The following MTUS2 variants were observed in gnomAD, a reference collection of about 807,000 sequenced individuals.
MTUS2 encodes the protein microtubule-associated tumor suppressor candidate 2.
In MTUS2, 40 loss-of-function variants were observed where a neutral mutation model predicts 114.1. The observed-to-expected ratio is 0.35, with a 90% confidence interval of 0.27 to 0.46. The LOEUF (loss-of-function observed/expected upper bound fraction) is 0.46. Among genes scored for constraint, MTUS2 ranks in the 20% least tolerant of loss-of-function variants. The probability of loss-of-function intolerance (pLI) is 1.00; values close to 1 mark genes in which losing one functional copy is unlikely to be tolerated. For missense variants in MTUS2, 1,679 were observed against 1,705.4 expected, an observed-to-expected ratio of 0.98 and a Z score of 0.27; for synonymous variants, 688 against 672.0, an observed-to-expected ratio of 1.02 and a Z score of -0.37.
At chr13:29,335,089 A>G (rs1900985339) in intron 7 of MTUS2, among the ~76,000 whole-genome samples, 2 of 152,208 alleles carry the variant, frequency 1.3e-5, no homozygotes, top group African/African-American at 4.8e-5. Flanking sequence ...GGCCAGGCGG[A>G]ACAGAGCCAT....
intron 15 of MTUS2, among the ~76,000 whole-genome samples, chr13:29,501,960 ACT>A (rs1415155191): frequency 1.3e-5 from 2 of 152,160 alleles, no homozygotes; most frequent in African/African-American, 4.8e-5. Flanking sequence ...CTGTTTGCAC[ACT>A]CACACGTGCA....
intron 1 of MTUS2, among the ~76,000 whole-genome samples, chr13:28,824,164 G>T (rs757714175): frequency 6.6e-6 from 1 of 152,230 alleles, no homozygotes; most frequent in South Asian, 2.1e-4. Context: ...CTGCCCCAAA[G>T]AATTTATCTT....
At chr13:28,820,671 G>C (rs1418384376) in intron 1 of MTUS2, 60 bp downstream of exon 1, 1 of 152,218 alleles carries the variant, frequency 6.6e-6, no homozygotes, top group Non-Finnish European at 1.5e-5. Flanking sequence ...GCCGCCCTCT[G>C]GACCCGCCGG....
chr13:29,013,991 A>G (rs1182624006), intron 2 of MTUS2, among the ~76,000 whole-genome samples: 10 of 152,164 alleles, frequency 6.6e-5, no homozygotes, highest in South Asian at 4.1e-4. Context: ...GGAGATAGCA[A>G]TTTCTCCAAG....
At chr13:29,148,610 C>A (rs1211177537) in intron 5 of MTUS2, among the ~76,000 whole-genome samples, 1 of 114,458 alleles carries the variant, frequency 8.7e-6, no homozygotes, top group African/African-American at 2.6e-5. Context: ...TCCCAAGTAG[C>A]TGGGACTACA....
chr13:29,190,271 G>A (rs1335866209), intron 5 of MTUS2, among the ~76,000 whole-genome samples: 1 of 152,166 alleles, frequency 6.6e-6, no homozygotes, highest in South Asian at 2.1e-4. Flanking sequence ...CTAACACTTG[G>A]AATTCCATGG....
At chr13:29,146,828 G>A (rs1892453852) in intron 5 of MTUS2, among the ~76,000 whole-genome samples, 1 of 152,174 alleles carries the variant, frequency 6.6e-6, no homozygotes, top group Non-Finnish European at 1.5e-5. Flanking sequence ...TATGTTGCAG[G>A]ATTGTTTTAA....
intron 8 of MTUS2, among the ~76,000 whole-genome samples, chr13:29,404,176 C>CAA (rs33920912): frequency 0.42 from 53,581 of 127,388 alleles, 11,532 homozygotes; most frequent in Non-Finnish European, 0.45. Flanking sequence ...TCCATCTCTA[C>CAA]AAAAAAAAAA....
At chr13:29,184,683 G>A (rs964842837) in intron 5 of MTUS2, among the ~76,000 whole-genome samples, 2 of 152,174 alleles carry the variant, frequency 1.3e-5, no homozygotes, top group African/African-American at 4.8e-5. Flanking sequence ...GGGCACAGAC[G>A]TTAGTGGCAC....
intron 2 of MTUS2, among the ~76,000 whole-genome samples, chr13:28,847,678 T>C (rs981645402): frequency 6.6e-6 from 1 of 152,224 alleles, no homozygotes; most frequent in Non-Finnish European, 1.5e-5. Flanking sequence ...AGCATCTTCC[T>C]AGACTTTGTT....
At chr13:29,493,693 G>A (rs1299824332) in intron 12 of MTUS2, among the ~76,000 whole-genome samples, 1 of 152,154 alleles carries the variant, frequency 6.6e-6, no homozygotes, top group Non-Finnish European at 1.5e-5. Flanking sequence ...GTTTGCCGTT[G>A]GCCAATGAAC....
At chr13:29,064,489 C>T (rs1027130812) in intron 4 of MTUS2, among the ~76,000 whole-genome samples, 5 of 146,808 alleles carry the variant, frequency 3.4e-5, no homozygotes, top group African/African-American at 1.0e-4. Flanking sequence ...CAGTTCTGAG[C>T]GGCACTGTGG....
intron 6 of MTUS2, among the ~76,000 whole-genome samples, chr13:29,286,310 T>C (rs1898477795): frequency 6.6e-6 from 1 of 152,260 alleles, no homozygotes; most frequent in African/African-American, 2.4e-5. Context: ...TATGAAATGC[T>C]ATCTGGTATT....
chr13:29,228,042 CTT>C (rs5802512), intron 5 of MTUS2, among the ~76,000 whole-genome samples: 129,871 of 152,096 alleles, frequency 0.85, 55,596 homozygotes, highest in African/African-American at 0.91. Context: ...TATATGTATG[CTT>C]TTTCACCCAG....
At chr13:29,214,310 C>T (rs556988639) in intron 5 of MTUS2, among the ~76,000 whole-genome samples, 7 of 152,156 alleles carry the variant, frequency 4.6e-5, no homozygotes, top group African/African-American at 1.7e-4. Context: ...ACTCTTTTTC[C>T]AATTTGCCCC....
chr13:28,900,108 G>T (rs9508184), intron 2 of MTUS2, among the ~76,000 whole-genome samples: 1 of 152,062 alleles, frequency 6.6e-6, no homozygotes, highest in East Asian at 1.9e-4. Flanking sequence ...GGTTGGCCTC[G>T]AACTCCTAAC....
chr13:29,324,166 C>T (rs1333391589), intron 6 of MTUS2, among the ~76,000 whole-genome samples: 1 of 152,202 alleles, frequency 6.6e-6, no homozygotes, highest in East Asian at 1.9e-4. Flanking sequence ...GACCATGTCC[C>T]CCGTGGCTTG....
At chr13:29,163,302 G>C (rs1398825216) in intron 5 of MTUS2, among the ~76,000 whole-genome samples, 2 of 152,174 alleles carry the variant, frequency 1.3e-5, no homozygotes, top group Admixed American at 6.5e-5. Context: ...GGTCCTTGTG[G>C]CTGGGCTCCC....
chr13:29,092,579 C>G (rs1245638403), intron 4 of MTUS2, among the ~76,000 whole-genome samples: 1 of 152,124 alleles, frequency 6.6e-6, no homozygotes, highest in African/African-American at 2.4e-5. Flanking sequence ...CCTCTGAATG[C>G]GGGTACGAGC....
Sources: gnomAD v4.1 joint callset for allele counts (sites outside exome capture counted in the v4.1 genomes callset) on GRCh38, gnomAD v4.1.1 for gene constraint, MANE v1.5 for transcripts, NCBI Gene and HGNC (gene_info 2026-07-23, HGNC 2026-07-21) for gene names.